MALRD1: variants seen among roughly 807,000 people sequenced by gnomAD.
MALRD1 encodes MAM and LDL-receptor class A domain-containing protein 1.
Under a neutral mutation model 242.1 loss-of-function variants are expected in MALRD1, and 247 were observed. The observed-to-expected ratio is 1.02, with a 90% CI of 0.92 to 1.13. The LOEUF is 1.13. Ranked by LOEUF, MALRD1 falls within the 50% of genes most tolerant of loss-of-function variation. The probability of loss-of-function intolerance (pLI) is 0.00; values close to 1 mark genes in which losing one functional copy is unlikely to be tolerated. For synonymous variants in MALRD1, 995 were observed against 866.6 expected (o/e 1.15, Z -2.60); for missense variants, 2,989 against 2,533.1 (o/e 1.18, Z -3.86).
intron 36 of MALRD1, among the ~76,000 whole-genome samples, chr10:19,625,845 C>A (rs897408150): frequency 6.6e-6 from 1 of 152,036 alleles, no homozygotes; most frequent in African/African-American, 2.4e-5. Flanking sequence ...TCCGTAGCAA[C>A]CAACAATCAT....
chr10:19,163,582 CTG>C (rs571494688), intron 12 of MALRD1, among the ~76,000 whole-genome samples: 113 of 152,206 alleles, frequency 7.4e-4, no homozygotes, highest in African/African-American at 2.6e-3. Context: ...ACAAAATAAT[CTG>C]TACAACAAGT....
At chr10:19,203,446 A>G (rs1188313904) in intron 14 of MALRD1, among the ~76,000 whole-genome samples, 1 of 152,184 alleles carries the variant, frequency 6.6e-6, no homozygotes, top group African/African-American at 2.4e-5. Context: ...TACCTTGGCA[A>G]TTCTATAAGC....
At chr10:19,095,094 A>G (rs1384458673) in intron 4 of MALRD1, among the ~76,000 whole-genome samples, 6 of 152,174 alleles carry the variant, frequency 3.9e-5, no homozygotes, top group Admixed American at 3.9e-4. Context: ...TTTGATATAA[A>G]TCATATCATT....
intron 31 of MALRD1, among the ~76,000 whole-genome samples, chr10:19,508,952 C>A (rs1833272127): frequency 1.3e-5 from 2 of 152,134 alleles, no homozygotes; most frequent in African/African-American, 4.8e-5. Context: ...TAAATTTACA[C>A]ACTTGCAGCA....
At chr10:19,345,887 A>G (rs1468818395) in intron 24 of MALRD1, among the ~76,000 whole-genome samples, 1 of 151,898 alleles carries the variant, frequency 6.6e-6, no homozygotes, top group Admixed American at 6.6e-5. Context: ...ATTTTCTTAT[A>G]TATCCCCAAA....
intron 10 of MALRD1, 69 bp downstream of exon 10, chr10:19,136,850 C>A: frequency 9.2e-7 from 1 of 1,081,666 alleles, no homozygotes; most frequent in Non-Finnish European, 1.2e-6. Flanking sequence ...TTAAAACAGT[C>A]TTTGTTTCTA....
At chr10:19,358,646 G>C (rs1844753816) in intron 26 of MALRD1, among the ~76,000 whole-genome samples, 1 of 152,014 alleles carries the variant, frequency 6.6e-6, no homozygotes, top group South Asian at 2.1e-4. Flanking sequence ...TGTACCATGG[G>C]GACTGTCGGA....
intron 2 of MALRD1, among the ~76,000 whole-genome samples, chr10:19,079,804 A>C (rs772138725): frequency 1.9e-4 from 29 of 151,554 alleles, no homozygotes; most frequent in Non-Finnish European, 4.0e-4. Flanking sequence ...AAAGCATATT[A>C]GTCTAGGAAG....
chr10:19,685,091 C>T (rs760954975), intron 36 of MALRD1, among the ~76,000 whole-genome samples: 7 of 152,112 alleles, frequency 4.6e-5, no homozygotes, highest in Admixed American at 1.3e-4. Flanking sequence ...ATAAACACTT[C>T]CTTCCCTGGA....
chr10:19,522,377 G>T (rs150028431), intron 31 of MALRD1, among the ~76,000 whole-genome samples: 14 of 152,182 alleles, frequency 9.2e-5, no homozygotes, highest in African/African-American at 3.1e-4. Flanking sequence ...TTAGTGTGAG[G>T]TTTTTAATGT....
In MALRD1 at chr10:19,202,438, A is replaced by G. The variant is rs952601488; in HGVS notation, c.1952-1290A>G. 3.3e-5 allele frequency among the ~76,000 whole-genome samples: 5 copies of G among 152,110 alleles called. No homozygotes were observed. The East Asian group carries it at 7.7e-4, about 24-fold the overall frequency. ...ACATTCTTCTCCCTGTAGAAGAGGC[A>G]TTTTCAGGATTCAAAATGATATTTT... On this transcript the variant is annotated intron_variant, in intron 14 of 39. Coordinates refer to ENST00000454679, the MANE Select transcript of MALRD1 (RefSeq NM_001142308.3).
chr10:19,305,807 T>C (rs1842138843), intron 21 of MALRD1, among the ~76,000 whole-genome samples: 1 of 138,356 alleles, frequency 7.2e-6, no homozygotes, highest in Non-Finnish European at 1.5e-5. Flanking sequence ...ATATATATAC[T>C]ATCTATTATG....
intron 26 of MALRD1, among the ~76,000 whole-genome samples, chr10:19,369,443 A>G (rs549106446): frequency 2.7e-5 from 4 of 148,400 alleles, no homozygotes; most frequent in Non-Finnish European, 6.0e-5. Context: ...TGAAGTATCT[A>G]TTTGCTTAAC....
At chr10:19,204,843 A>G in intron 16 of MALRD1, 55 bp from the exon 17 acceptor site, 1 of 1,452,952 alleles carries the variant, frequency 6.9e-7, no homozygotes, top group Non-Finnish European at 9.1e-7. Flanking sequence ...CTAAAGGTTA[A>G]ATATGTAGTC....
At chr10:19,088,745 C>T (rs1835781165) in intron 4 of MALRD1, among the ~76,000 whole-genome samples, 1 of 80,436 alleles carries the variant, frequency 1.2e-5, no homozygotes, top group African/African-American at 5.1e-5. Context: ...CCTCCCCCAA[C>T]CCCACCACAG....
In MALRD1 at chr10:19,175,255, A is replaced by G. The variant is rs963498127; in HGVS notation, c.1878A>G (p.Leu626=). 8.1e-7 allele frequency: 1 copy of G among 1,230,544 alleles called. No homozygotes were observed. 76.2% of individuals were successfully genotyped at this position (1,230,544 alleles called of 1,614,324 possible). ...TGTCGTCAAATGCTACCGTTGCTCT[A>G]GATGACATCAGTGTGTCCCAGGAAT... ...TVLSSNATVA[L]DDISVSQECE... The change falls in exon 14 of 40, where the codon CTA becomes CTG. Residue 626 remains leucine, a synonymous_variant. Transcript: ENST00000454679.
At chr10:19,222,581 A>G (rs1157089875) in intron 18 of MALRD1, among the ~76,000 whole-genome samples, 1 of 152,218 alleles carries the variant, frequency 6.6e-6, no homozygotes, top group African/African-American at 2.4e-5. Context: ...CCTGATATCA[A>G]TCATCTTCAT....
At chr10:19,324,232 A>G (rs140618033) in intron 22 of MALRD1, 127 bp downstream of exon 22, 7 of 896,380 alleles carry the variant, frequency 7.8e-6, no homozygotes, top group Middle Eastern at 2.3e-4. Context: ...CACTAGATTT[A>G]TAGTGGTATA....
chr10:19,371,350 T>C (rs768130823), intron 26 of MALRD1, among the ~76,000 whole-genome samples: 4 of 152,200 alleles, frequency 2.6e-5, no homozygotes, highest in Non-Finnish European at 2.9e-5. Context: ...ACATTTTTTA[T>C]GTAGTATCCT....
Sources: gnomAD v4.1 joint callset for allele counts (sites outside exome capture counted in the v4.1 genomes callset) on GRCh38, gnomAD v4.1.1 for gene constraint, MANE v1.5 for transcripts, NCBI Gene and HGNC (gene_info 2026-07-23, HGNC 2026-07-21) for gene names.